STAMBP: variants seen among roughly 807,000 people sequenced by gnomAD.
STAMBP encodes STAM binding protein, also known as STAM-binding protein.
Under a neutral mutation model 50.7 loss-of-function variants are expected in STAMBP, and 31 were observed. The observed-to-expected ratio is 0.61, with a 90% CI of 0.46 to 0.83. STAMBP has a LOEUF of 0.83. Among genes scored for constraint, STAMBP ranks in the 40% least tolerant of loss-of-function variants. The pLI is 0.00. For missense variants in STAMBP, 472 were observed against 518.9 expected (o/e 0.91, Z 0.88); for synonymous variants, 211 against 192.4 (o/e 1.10, Z -0.80).
intron 4 of STAMBP, 75 bp downstream of exon 4, chr2:73,845,337 C>A: frequency 9.8e-7 from 1 of 1,024,634 alleles, no homozygotes; most frequent in Non-Finnish European, 1.5e-6. Flanking sequence ...TATGACATTT[C>A]AATATATCCT....
chr2:73,845,346 C>T (rs1023638883), intron 4 of STAMBP, 84 bp downstream of exon 4: 4 of 965,080 alleles, frequency 4.1e-6, no homozygotes, highest in African/African-American at 1.7e-5. Context: ...TCAATATATC[C>T]TGTGCTTTTA....
intron 2 of STAMBP, among the ~76,000 whole-genome samples, chr2:73,837,516 C>T (rs1236845043): frequency 1.6e-5 from 2 of 125,554 alleles, no homozygotes; most frequent in African/African-American, 6.1e-5. Context: ...ACCCGGGAGG[C>T]GGAGCTTGCA....
At position 73,829,263 on chromosome 2, in the gene STAMBP, G is replaced by C. The variant is rs1008951640; in HGVS notation, c.-260G>C. 6 of 152,362 alleles carry C rather than the reference G, an allele frequency of 3.9e-5. No homozygotes were observed. Among genetic ancestry groups the C allele is most frequent in the Admixed American group, 6.5e-5 (1 of 15,284 alleles). The allele number at this position is 152,362 out of a possible 1,614,324, so 9.4% of individuals were successfully genotyped here. A position where few individuals can be genotyped will look rare whatever the true frequency, so the allele number is the denominator to read the frequency against. ...TGGGGTTGGCAAGTTCGTCTTGAGT[G>C]CCTTCAAGAAGGGTTCCTCAAGCAG... On this transcript the variant is annotated 5_prime_UTR_variant, in exon 1 of 10. Coordinates refer to ENST00000394070, the MANE Select transcript of STAMBP (RefSeq NM_213622.4).
In STAMBP at chr2:73,845,243, C is replaced by T. The variant is rs1442827213; in HGVS notation, c.356C>T (p.Thr119Ile). ...TTAAAACGATATACCAAAGAATATACAGAATATAATGAAGAAAAGGTCAGT... is the reference window on the plus strand; with the variant it reads ...TTAAAACGATATACCAAAGAATATATAGAATATAATGAAGAAAAGGTCAGT... Reference protein sequence around the residue: ...ELLKRYTKEYTEYNEEKKKEA... With the variant: ...ELLKRYTKEYIEYNEEKKKEA... Residue 119 changes from threonine (T) to isoleucine (I), a missense_variant, in exon 4 of 10, where the codon ACA becomes ATA. Coordinates refer to ENST00000394070, the MANE Select transcript of STAMBP (RefSeq NM_213622.4). 5.6e-6 allele frequency: 9 copies of T among 1,613,032 alleles called. No homozygotes were observed. The East Asian group carries it at 2.0e-4, about 36-fold the overall frequency.
downstream of STAMBP, among the ~76,000 whole-genome samples, chr2:73,868,821 G>C (rs1223345736): frequency 6.6e-6 from 1 of 152,084 alleles, no homozygotes; most frequent in African/African-American, 2.4e-5. Flanking sequence ...GCTATAGTGA[G>C]CTGTGATAGC....
At chr2:73,857,239 T>C (rs6754890) in intron 7 of STAMBP, among the ~76,000 whole-genome samples, 6,723 of 152,252 alleles carry the variant, frequency 0.044, 510 homozygotes, top group African/African-American at 0.15. Context: ...GCCCGATGTC[T>C]TGATGCCTTC....
intron 7 of STAMBP, among the ~76,000 whole-genome samples, chr2:73,856,356 T>C (rs1677548983): frequency 6.6e-6 from 1 of 152,234 alleles, no homozygotes; most frequent in African/African-American, 2.4e-5. Context: ...CATCTAATTG[T>C]GGTTTACTAA....
chr2:73,838,730 G>T (rs1018469030), intron 2 of STAMBP, among the ~76,000 whole-genome samples: 3 of 152,192 alleles, frequency 2.0e-5, no homozygotes, highest in Admixed American at 6.5e-5. Context: ...CACTTAAAAT[G>T]ATGAACTACT....
chr2:73,835,900 T>C (rs1035322197), intron 2 of STAMBP, among the ~76,000 whole-genome samples: 1 of 152,098 alleles, frequency 6.6e-6, no homozygotes, highest in Non-Finnish European at 1.5e-5. Context: ...CTCAGAAGAC[T>C]GAGGTCTGGG....
At chr2:73,867,922 C>T (rs112703677), downstream of STAMBP, among the ~76,000 whole-genome samples, 4 of 151,784 alleles carry the variant, frequency 2.6e-5, no homozygotes, top group Non-Finnish European at 5.9e-5. Flanking sequence ...GTCAGGAGTT[C>T]AAGACCAGCG....
At chr2:73,833,083 T>G (rs899805687) in intron 2 of STAMBP, among the ~76,000 whole-genome samples, 4 of 152,210 alleles carry the variant, frequency 2.6e-5, no homozygotes, top group Non-Finnish European at 4.4e-5. Context: ...GCTATATTTA[T>G]AGTCAGAGAA....
At chr2:73,853,321 A>G (rs989690183) in intron 7 of STAMBP, among the ~76,000 whole-genome samples, 5 of 152,204 alleles carry the variant, frequency 3.3e-5, no homozygotes, top group Non-Finnish European at 7.3e-5. Context: ...TGGTTTAAGG[A>G]GAAGTTGGGT....
Position 73,863,127 on chromosome 2 carries a change from C to T in STAMBP, c.*868C>T, listed in dbSNP as rs1678533833. Reference sequence around the variant, plus strand: ...TCTCAAATGGGTCAACCATTCACTTCCTCCTTATGCCCTCCATGCTTTTGG... The same window carrying T: ...TCTCAAATGGGTCAACCATTCACTTTCTCCTTATGCCCTCCATGCTTTTGG... On this transcript the variant is annotated 3_prime_UTR_variant, in exon 10 of 10. Transcript: ENST00000394070. The T allele has an allele frequency of 1.3e-5, 2 of 152,226 alleles. No individual in the cohort carries two copies. The highest frequency in any genetic ancestry group is 2.9e-5 in the Non-Finnish European group (2 of 68,052). 9.4% of individuals were successfully genotyped at this position (152,226 alleles called of 1,614,324 possible). A position where few individuals can be genotyped will look rare whatever the true frequency, so the allele number is the denominator to read the frequency against.
At chr2:73,871,649 A>AT (rs1467755013), downstream of STAMBP, among the ~76,000 whole-genome samples, 5 of 152,112 alleles carry the variant, frequency 3.3e-5, no homozygotes, top group Non-Finnish European at 7.4e-5. Context: ...ATCAAGGCTA[A>AT]TTTTTTATTC....
chr2:73,862,141 A>G (rs1678404920), intron 9 of STAMBP, 62 bp from the exon 10 acceptor site: 3 of 1,154,110 alleles, frequency 2.6e-6, no homozygotes, highest in Non-Finnish European at 3.5e-6. Context: ...TATATGAAGA[A>G]AAAAAAAAAA....
chr2:73,850,075 A>G lies in STAMBP; in HGVS notation c.868-301A>G, dbSNP rs941310806. Among the ~76,000 whole-genome samples the G allele has an allele frequency of 5.9e-5, 9 of 152,206 alleles. No homozygotes were observed. Among genetic ancestry groups the G allele is most frequent in the African/African-American group, 1.9e-4 (8 of 41,448 alleles). ...TTTAGACCTGAGCAAGGGAAGAGAA[A>G]TGGTACTCTACCCAGAGCTTCTCAG... On this transcript the variant is annotated intron_variant, in intron 6 of 9. Transcript: ENST00000394070. This position sits in a 1 kb window ranked among gnomAD's most constrained non-coding sequence, Gnocchi z 4.3.
chr2:73,851,443 G>T (rs1167553472), intron 7 of STAMBP, among the ~76,000 whole-genome samples: 1 of 152,180 alleles, frequency 6.6e-6, no homozygotes, highest in African/African-American at 2.4e-5. Context: ...GCCACAAGAG[G>T]TGCCAGCGAG....
intron 2 of STAMBP, among the ~76,000 whole-genome samples, chr2:73,838,160 A>T (rs942392159): frequency 2.0e-5 from 3 of 152,216 alleles, no homozygotes; most frequent in African/African-American, 7.2e-5. Flanking sequence ...ATAGACCTGA[A>T]AGTGGCAAAT....
intron 2 of STAMBP, among the ~76,000 whole-genome samples, chr2:73,842,192 C>T (rs1011072381): frequency 3.2e-4 from 49 of 152,254 alleles, no homozygotes; most frequent in African/African-American, 1.1e-3. Context: ...GTCGTTTTGT[C>T]CAATGTCGTT....
Sources: allele counts gnomAD v4.1 joint callset (sites outside exome capture counted in the v4.1 genomes callset), GRCh38; gene constraint gnomAD v4.1.1; non-coding constraint Gnocchi (gnomAD v3.1); transcripts MANE v1.5; gene names NCBI Gene and HGNC (gene_info 2026-07-23, HGNC 2026-07-21).